The following GALNTL6 variants were observed in gnomAD, a reference collection of about 807,000 sequenced individuals.
GALNTL6 encodes polypeptide N-acetylgalactosaminyltransferase like 6.
A neutral mutation model predicts 73.7 loss-of-function variants in GALNTL6; 46 were observed. The observed-to-expected ratio is 0.62, with a 90% CI of 0.49 to 0.80. The LOEUF (loss-of-function observed/expected upper bound fraction) is 0.80, where lower values mean the gene tolerates loss of function less well. Among genes scored for constraint, GALNTL6 ranks in the 30% least tolerant of loss-of-function variants. The probability of loss-of-function intolerance (pLI) is 0.00; values close to 1 mark genes in which losing one functional copy is unlikely to be tolerated. For missense variants in GALNTL6, 604 were observed against 755.0 expected, an observed-to-expected ratio of 0.80 and a Z score of 2.34; for synonymous variants, 259 against 263.7, an observed-to-expected ratio of 0.98 and a Z score of 0.17.
At position 172,862,799 on chromosome 4, in the gene GALNTL6, A is replaced by G. The variant is rs567904865; in HGVS notation, c.924-19991A>G. On this transcript the variant is annotated intron_variant, in intron 7 of 12. Transcript: ENST00000506823. ...GTAACCAGGAGCTGAATATTAATCA[A>G]CAAGACAACGTGGAAAATGTCTCCA... is the stretch of plus-strand genomic sequence containing the variant. Among the ~76,000 whole-genome samples, 10 of 152,362 alleles carry G rather than the reference A, an allele frequency of 6.6e-5. 1 individual carries two copies. In the South Asian group the frequency reaches 1.5e-3, roughly 22 times the overall value.
At chr4:172,922,157 C>T (rs1054476503) in intron 8 of GALNTL6, among the ~76,000 whole-genome samples, 14 of 152,118 alleles carry the variant, frequency 9.2e-5, no homozygotes, top group Non-Finnish European at 1.6e-4. Context: ...TTGCCACCAC[C>T]GTGTAAGAAC....
chr4:172,236,410 A>T (rs997010758), intron 3 of GALNTL6, among the ~76,000 whole-genome samples: 2 of 152,088 alleles, frequency 1.3e-5, no homozygotes, highest in African/African-American at 4.8e-5. Context: ...ATGTAAAAAA[A>T]TTAGCCAGGC....
At chr4:172,145,265 A>G (rs1053703998) in intron 2 of GALNTL6, among the ~76,000 whole-genome samples, 6 of 151,754 alleles carry the variant, frequency 4.0e-5, no homozygotes, top group African/African-American at 9.7e-5. Context: ...TCAGCCTCCC[A>G]GGTAGCTGGG....
At chr4:172,934,257 C>T (rs1002060914) in intron 9 of GALNTL6, among the ~76,000 whole-genome samples, 4 of 152,104 alleles carry the variant, frequency 2.6e-5, no homozygotes, top group Non-Finnish European at 5.9e-5. Flanking sequence ...AGAATATGTC[C>T]ACTGAATTAA....
At chr4:172,179,236 C>T (rs1403655025) in intron 2 of GALNTL6, among the ~76,000 whole-genome samples, 1 of 151,564 alleles carries the variant, frequency 6.6e-6, no homozygotes, top group African/African-American at 2.4e-5. Flanking sequence ...GCCACACTGA[C>T]TTCCACAATG....
intron 5 of GALNTL6, among the ~76,000 whole-genome samples, chr4:172,544,981 A>G (rs1171279887): frequency 6.6e-6 from 1 of 152,164 alleles, no homozygotes; most frequent in African/African-American, 2.4e-5. Context: ...CCCAATGCTT[A>G]TATCAGTGAA....
At chr4:172,667,971 A>G (rs1035589511) in intron 5 of GALNTL6, 1 of 152,164 alleles carries the variant, frequency 6.6e-6, no homozygotes, top group Non-Finnish European at 1.5e-5. Context: ...TTGAAACAGA[A>G]ATGCCTCAAA....
chr4:171,997,011 T>C lies in GALNTL6; in HGVS notation c.138+182293T>C, dbSNP rs578145260. On this transcript the variant is annotated intron_variant, in intron 2 of 12. Coordinates refer to ENST00000506823, the MANE Select transcript of GALNTL6 (RefSeq NM_001034845.3). ...TCTGTAAGTAACTACAGTTCTTAGT[T>C]ATCCAAGTGTTGGAATTGGGGCAGG... Among the ~76,000 whole-genome samples the C allele has an allele frequency of 3.9e-4, 59 of 152,270 alleles. 1 individual carries two copies. The highest frequency in any genetic ancestry group is 1.2e-3 in the East Asian group (6 of 5,184).
intron 5 of GALNTL6, among the ~76,000 whole-genome samples, chr4:172,360,937 A>G (rs1742344112): frequency 6.6e-6 from 1 of 152,144 alleles, no homozygotes; most frequent in South Asian, 2.1e-4. Flanking sequence ...CCTGCACAGA[A>G]GTTTGCATTC....
intron 2 of GALNTL6, among the ~76,000 whole-genome samples, chr4:172,110,481 TA>T (rs1732821492): frequency 6.6e-6 from 1 of 152,194 alleles, no homozygotes; most frequent in East Asian, 1.9e-4. Flanking sequence ...TAGCATATTT[TA>T]AAAATTAAAG....
intron 5 of GALNTL6, among the ~76,000 whole-genome samples, chr4:172,517,101 A>T (rs1734633198): frequency 6.6e-6 from 1 of 151,998 alleles, no homozygotes; most frequent in African/African-American, 2.4e-5. Context: ...TGTTCTGGAG[A>T]TTGCACAACC....
At chr4:172,098,000 G>A (rs1732406464) in intron 2 of GALNTL6, among the ~76,000 whole-genome samples, 1 of 151,774 alleles carries the variant, frequency 6.6e-6, no homozygotes, top group African/African-American at 2.4e-5. Flanking sequence ...TTTTGCCAAA[G>A]GAAATGGACA....
intron 8 of GALNTL6, among the ~76,000 whole-genome samples, chr4:172,897,457 C>T (rs1208894350): frequency 6.6e-6 from 1 of 152,220 alleles, no homozygotes; most frequent in Non-Finnish European, 1.5e-5. Flanking sequence ...TTCGGATTCA[C>T]TGCCTAAACT....
At position 173,004,640 on chromosome 4, in the gene GALNTL6, C is replaced by A. The variant is rs149088416; in HGVS notation, c.1372-4538C>A. The stretch of plus-strand genomic sequence containing the variant: ...AAACTCCATCTAACTAACTAACTAA[C>A]TAAATAAATAAATAAATAAAATCAA... On this transcript the variant is annotated intron_variant, in intron 10 of 12. Transcript: ENST00000506823. 2.5e-3 allele frequency among the ~76,000 whole-genome samples: 374 copies of A among 152,056 alleles called. 2 individuals are homozygous for A. Among genetic ancestry groups the A allele is most frequent in the African/African-American group, 8.2e-3 (341 of 41,350 alleles).
At chr4:172,307,040 T>G (rs1441108386) in intron 3 of GALNTL6, among the ~76,000 whole-genome samples, 1 of 152,318 alleles carries the variant, frequency 6.6e-6, no homozygotes, top group South Asian at 2.1e-4. Context: ...ATTTCCATAC[T>G]GTTTTCCATA....
intron 5 of GALNTL6, among the ~76,000 whole-genome samples, chr4:172,385,354 C>T (rs760226317): frequency 9.9e-5 from 15 of 151,912 alleles, no homozygotes; most frequent in Non-Finnish European, 1.9e-4. Flanking sequence ...TTGTTCTATT[C>T]ATTGTTGAAA....
intron 5 of GALNTL6, among the ~76,000 whole-genome samples, chr4:172,678,317 C>G (rs947913848): frequency 1.5e-5 from 2 of 136,980 alleles, no homozygotes; most frequent in Admixed American, 7.3e-5. Flanking sequence ...TTAGTCTTTT[C>G]TTTTAAAGAA....
In GALNTL6 at chr4:172,018,846, G is replaced by A. The variant is rs995508574; in HGVS notation, c.138+204128G>A. Among the ~76,000 whole-genome samples, 5 of 152,202 alleles carry A rather than the reference G, an allele frequency of 3.3e-5. No individual in the cohort carries two copies. In the South Asian group the frequency reaches 1.0e-3, roughly 32 times the overall value. ...ATTGTGCTGGCTGCCTTTCCTGAGG[G>A]CCCCTGTGAGATATAGTCAGGGATG... On this transcript the variant is annotated intron_variant, in intron 2 of 12. Coordinates refer to ENST00000506823, the MANE Select transcript of GALNTL6 (RefSeq NM_001034845.3).
intron 5 of GALNTL6, among the ~76,000 whole-genome samples, chr4:172,369,559 G>A (rs891374387): frequency 1.3e-5 from 2 of 152,184 alleles, no homozygotes; most frequent in Non-Finnish European, 2.9e-5. Context: ...CTGCATGGGA[G>A]CACCCTGGGG....
Sources: allele counts gnomAD v4.1 joint callset (sites outside exome capture counted in the v4.1 genomes callset), GRCh38; gene constraint gnomAD v4.1.1; transcripts MANE v1.5; gene names NCBI Gene and HGNC (gene_info 2026-07-23, HGNC 2026-07-21).